The following EPHB2 variants were observed in gnomAD, a reference collection of about 807,000 sequenced individuals.
The protein encoded by EPHB2 is EPH receptor B2.
A neutral mutation model predicts 96.4 loss-of-function variants in EPHB2; 18 were observed. The observed-to-expected ratio is 0.19, with a 90% CI of 0.13 to 0.28. The LOEUF (loss-of-function observed/expected upper bound fraction) is 0.28. Among genes scored for constraint, EPHB2 ranks in the 10% least tolerant of loss-of-function variants. The probability of loss-of-function intolerance (pLI) is 1.00; values close to 1 mark genes in which losing one functional copy is unlikely to be tolerated. For missense variants in EPHB2, 989 were observed against 1,355.4 expected, an observed-to-expected ratio of 0.73 and a Z score of 4.25; for synonymous variants, 506 against 534.1, an observed-to-expected ratio of 0.95 and a Z score of 0.72.
intron 5 of EPHB2, among the ~76,000 whole-genome samples, chr1:22,870,582 C>G (rs1031940590): frequency 2.0e-5 from 3 of 152,102 alleles, no homozygotes; most frequent in Non-Finnish European, 4.4e-5. Flanking sequence ...AGCTGAGGTC[C>G]GAATGACAAG....
chr1:22,894,276 G>C (rs895546809), intron 7 of EPHB2, among the ~76,000 whole-genome samples: 1 of 152,190 alleles, frequency 6.6e-6, no homozygotes, highest in Admixed American at 6.5e-5. Context: ...ATCTCAGCAA[G>C]TTCCTGTTCT....
Position 22,790,259 on chromosome 1 carries a change from A to G in EPHB2, c.811+5183A>G, listed in dbSNP as rs1644671941. On this transcript the variant is annotated intron_variant, in intron 3 of 15. Transcript: ENST00000374630. The surrounding 1 kb of genome is among the most constrained non-coding windows in gnomAD (Gnocchi z 4.0). ...AGAAAGGGCTTTGCAGTGTATAGGGATTAGGACACAATTTTCCCCTATTTA... is the reference window on the plus strand; with the variant it reads ...AGAAAGGGCTTTGCAGTGTATAGGGGTTAGGACACAATTTTCCCCTATTTA... Among the ~76,000 whole-genome samples the G allele has an allele frequency of 6.6e-6, 1 of 152,146 alleles. No individual in the cohort carries two copies. Among genetic ancestry groups the G allele is most frequent in the African/African-American group, 2.4e-5 (1 of 41,426 alleles).
rs1356705718 is a variant in EPHB2, at chr1:22,914,983, C to T, written c.*1413C>T. ...AGGCAAATAGGCCCCTTTGAGGCTCCTGAGTGCCCTCAGATGGTCAAAACC... is the reference window on the plus strand; with the variant it reads ...AGGCAAATAGGCCCCTTTGAGGCTCTTGAGTGCCCTCAGATGGTCAAAACC... On this transcript the variant is annotated 3_prime_UTR_variant, in exon 16 of 16. Transcript: ENST00000374630. 2 of 152,644 alleles carry T rather than the reference C, an allele frequency of 1.3e-5. No individual in the cohort carries two copies. The highest frequency in any genetic ancestry group is 4.8e-5 in the African/African-American group (2 of 41,466). 9.5% of individuals were successfully genotyped at this position (152,644 alleles called of 1,614,324 possible).
At chr1:22,831,309 T>A (rs952709854) in intron 3 of EPHB2, among the ~76,000 whole-genome samples, 1 of 152,094 alleles carries the variant, frequency 6.6e-6, no homozygotes, top group Non-Finnish European at 1.5e-5. Flanking sequence ...GAGCACCAGA[T>A]ACAAACCCAG....
intron 6 of EPHB2, among the ~76,000 whole-genome samples, chr1:22,884,796 A>G (rs906497889): frequency 5.9e-5 from 9 of 152,204 alleles, no homozygotes; most frequent in South Asian, 2.1e-4. Flanking sequence ...GAAGCCCTCC[A>G]TCACTGCCCA....
intron 1 of EPHB2, among the ~76,000 whole-genome samples, chr1:22,750,927 A>G (rs1181747758): frequency 6.6e-6 from 1 of 152,216 alleles, no homozygotes; most frequent in East Asian, 1.9e-4. Flanking sequence ...CAGGCCCCAG[A>G]GCCCATGCTC....
intron 3 of EPHB2, among the ~76,000 whole-genome samples, chr1:22,830,716 C>A (rs1209916646): frequency 6.6e-6 from 1 of 152,114 alleles, no homozygotes; most frequent in Non-Finnish European, 1.5e-5. Context: ...CACCACCACG[C>A]CTGGCTCATT....
chr1:22,770,795 A>T (rs1644370426), intron 1 of EPHB2, among the ~76,000 whole-genome samples: 1 of 152,032 alleles, frequency 6.6e-6, no homozygotes, highest in South Asian at 2.1e-4. Context: ...ATATGAATGG[A>T]TACATATGTG....
At chr1:22,748,358 C>CGTA (rs1489245784) in intron 1 of EPHB2, among the ~76,000 whole-genome samples, 2 of 150,904 alleles carry the variant, frequency 1.3e-5, no homozygotes, top group African/African-American at 4.9e-5. Flanking sequence ...TCCCTTACCT[C>CGTA]AAGGGGGCTT....
At chr1:22,865,318 C>A in intron 5 of EPHB2, 106 bp downstream of exon 5, 1 of 1,349,840 alleles carries the variant, frequency 7.4e-7, no homozygotes, top group Non-Finnish European at 1.1e-6. Context: ...GTGATTTCTT[C>A]TTTTCAAAGG....
At chr1:22,732,663 C>T (rs1168437177) in intron 1 of EPHB2, among the ~76,000 whole-genome samples, 1 of 152,130 alleles carries the variant, frequency 6.6e-6, no homozygotes, top group African/African-American at 2.4e-5. Flanking sequence ...CCCCCGGCCC[C>T]GCTTTATTTT....
intron 6 of EPHB2, among the ~76,000 whole-genome samples, chr1:22,885,041 G>A (rs2148555396): frequency 6.6e-6 from 1 of 152,170 alleles, no homozygotes; most frequent in East Asian, 1.9e-4. Flanking sequence ...TCAGGAAGTG[G>A]ACACACGAGG....
intron 1 of EPHB2, among the ~76,000 whole-genome samples, chr1:22,732,486 T>C (rs1557641795): frequency 6.6e-6 from 1 of 152,208 alleles, no homozygotes; most frequent in Non-Finnish European, 1.5e-5. Flanking sequence ...CTTGTTGAAA[T>C]AAAAATAGTC....
At chr1:22,716,588 C>G (rs1643301889) in intron 1 of EPHB2, among the ~76,000 whole-genome samples, 1 of 152,180 alleles carries the variant, frequency 6.6e-6, no homozygotes, top group African/African-American at 2.4e-5. Flanking sequence ...ACCCACCCAC[C>G]TTGACCTCCC....
intron 14 of EPHB2, among the ~76,000 whole-genome samples, chr1:22,912,229 C>A (rs902190597): frequency 6.6e-6 from 1 of 152,226 alleles, no homozygotes; most frequent in South Asian, 2.1e-4. Flanking sequence ...CACACTCACT[C>A]TCGCATGCTC....
At chr1:22,746,047 C>T (rs1379066325) in intron 1 of EPHB2, among the ~76,000 whole-genome samples, 2 of 152,204 alleles carry the variant, frequency 1.3e-5, no homozygotes, top group Non-Finnish European at 2.9e-5. Context: ...TGATCAACTG[C>T]TCTGATCGAA....
In EPHB2 at chr1:22,734,061, C is replaced by G. The variant is rs143592732; in HGVS notation, c.61+23018C>G. ...GTGGCCCTGTCAGGAGCTTCTCAGT[C>G]AAGGACAGAGCTCTGCCCTGGGCCT... On this transcript the variant is annotated intron_variant, in intron 1 of 15. Coordinates refer to ENST00000374630, the MANE Select transcript of EPHB2 (RefSeq NM_017449.5). Among the ~76,000 whole-genome samples, 8 of 152,342 alleles carry G rather than the reference C, an allele frequency of 5.3e-5. No homozygotes were observed. In the East Asian group the frequency reaches 1.3e-3, roughly 26 times the overall value.
At chr1:22,895,876 T>C (rs1231720885) in intron 8 of EPHB2, among the ~76,000 whole-genome samples, 2 of 152,082 alleles carry the variant, frequency 1.3e-5, no homozygotes, top group Non-Finnish European at 2.9e-5. Context: ...AGGAGTTTAG[T>C]GGGTGGTGGA....
chr1:22,911,492 C>G (rs916684993), intron 14 of EPHB2, among the ~76,000 whole-genome samples: 4 of 152,162 alleles, frequency 2.6e-5, no homozygotes, highest in African/African-American at 7.2e-5. Context: ...AGTCAGCATC[C>G]CCATGCCTGA....
Sources: allele counts gnomAD v4.1 joint callset (sites outside exome capture counted in the v4.1 genomes callset), GRCh38; gene constraint gnomAD v4.1.1; non-coding constraint Gnocchi (gnomAD v3.1); transcripts MANE v1.5; gene names NCBI Gene and HGNC (gene_info 2026-07-23, HGNC 2026-07-21).